Variants in CARHSP1 observed in about 807,000 individuals in gnomAD.
CARHSP1 encodes the protein calcium-regulated heat-stable protein 1.
Under a neutral mutation model 12.5 loss-of-function variants are expected in CARHSP1, and 14 were observed. The ratio of observed to expected loss-of-function variants is 1.12; its 90% CI spans 0.74 to 1.75. CARHSP1 has a LOEUF of 1.75. CARHSP1 is among the 40% of genes most tolerant of loss of function. The pLI, the probability that CARHSP1 is intolerant of heterozygous loss-of-function variation, is 0.00. For synonymous variants in CARHSP1, 161 were observed against 82.0 expected (o/e 1.96, Z -5.20); for missense variants, 343 against 201.6 (o/e 1.70, Z -4.25).
rs1354597068 is a variant in CARHSP1 at position 8,853,098 on chromosome 16, G to T, written c.*2066C>A. 1 of 152,004 alleles carries T rather than the reference G, an allele frequency of 6.6e-6. No homozygotes were observed. Among genetic ancestry groups the T allele is most frequent in the African/African-American group, 2.4e-5 (1 of 41,386 alleles). 9.4% of individuals were successfully genotyped at this position (152,004 alleles called of 1,614,324 possible). A position where few individuals can be genotyped will look rare whatever the true frequency, so the allele number is the denominator to read the frequency against. ...GTTTCCCCTTGTGTAAACCGGTATC[G>T]CGTCCCTTCCAGCTCTGACATCCTG... On this transcript the variant is annotated 3_prime_UTR_variant, in exon 4 of 4. Transcript: ENST00000311052.
intron 1 of CARHSP1, among the ~76,000 whole-genome samples, chr16:8,863,249 G>A (rs1169088799): frequency 2.0e-5 from 3 of 151,382 alleles, no homozygotes; most frequent in Non-Finnish European, 4.4e-5. Context: ...AGCCTCCTGG[G>A]TTGTGGGACT....
At chr16:8,858,258 A>C in intron 3 of CARHSP1, 92 bp downstream of exon 3, 2 of 1,446,768 alleles carry the variant, frequency 1.4e-6, no homozygotes, top group South Asian at 2.6e-5. Context: ...CCTCACACCC[A>C]GCGCCCATCA....
chr16:8,868,260 A>C (rs887555016), intron 1 of CARHSP1: 1 of 152,206 alleles, frequency 6.6e-6, no homozygotes, highest in Non-Finnish European at 1.5e-5. Context: ...CAACCCCAGA[A>C]AACCATAGGG....
rs770141066 is a variant in CARHSP1, at chr16:8,859,256, G to T, written c.73C>A (p.Arg25=). 18 of 1,602,084 alleles carry T rather than the reference G, an allele frequency of 1.1e-5. No individual in the cohort carries two copies. In the Admixed American group the frequency reaches 2.1e-4, roughly 18 times the overall value. Residue 25 remains arginine, a synonymous_variant, in exon 2 of 4, where the codon CGG becomes AGG. Coordinates refer to ENST00000311052, the MANE Select transcript of CARHSP1 (RefSeq NM_014316.4). ...QASVGLLDTP[R]SRERSPSPLR... The stretch of plus-strand genomic sequence containing the variant: ...GGGGATGGTGAGCGCTCACGGCTCC[G>T]AGGGGTGTCCAGCAGCCCGACTGAA...
At chr16:8,856,136 T>C (rs1360428805) in intron 3 of CARHSP1, among the ~76,000 whole-genome samples, 1 of 152,118 alleles carries the variant, frequency 6.6e-6, no homozygotes, top group East Asian at 1.9e-4. Flanking sequence ...GAAGGTCCCT[T>C]TGGTGCATGA....
At chr16:8,865,905 A>C (rs1054778355) in intron 1 of CARHSP1, among the ~76,000 whole-genome samples, 5 of 152,138 alleles carry the variant, frequency 3.3e-5, no homozygotes, top group Non-Finnish European at 7.4e-5. Context: ...TCTTGTTCAA[A>C]TGCAGATTGC....
intron 3 of CARHSP1, among the ~76,000 whole-genome samples, chr16:8,856,422 C>CA (rs2061110531): frequency 6.6e-6 from 1 of 152,216 alleles, no homozygotes; most frequent in Non-Finnish European, 1.5e-5. Context: ...AGCCTACTTC[C>CA]AGCAGCAGAA....
chr16:8,861,962 C>T (rs1412953689), intron 1 of CARHSP1, among the ~76,000 whole-genome samples: 1 of 143,612 alleles, frequency 7.0e-6, no homozygotes, highest in Non-Finnish European at 1.5e-5. Flanking sequence ...TCCCTCCCTC[C>T]TTTCTCCTGG....
At chr16:8,865,461 G>A (rs939551819) in intron 1 of CARHSP1, among the ~76,000 whole-genome samples, 2 of 152,208 alleles carry the variant, frequency 1.3e-5, no homozygotes, top group Non-Finnish European at 2.9e-5. Context: ...CAGGATGATA[G>A]AAGGCAGGGG....
chr16:8,861,199 T>A (rs868551042), intron 1 of CARHSP1, among the ~76,000 whole-genome samples: 3,530 of 60,522 alleles, frequency 0.058, 92 homozygotes, highest in Middle Eastern at 0.14. Context: ...TTTTTTTTTT[T>A]ATAGAGACAG....
Position 8,866,230 on chromosome 16 carries a change from A to C in CARHSP1, c.-8+2736T>G, listed in dbSNP as rs75622363. On this transcript the variant is annotated intron_variant, in intron 1 of 3. Coordinates refer to ENST00000311052, the MANE Select transcript of CARHSP1 (RefSeq NM_014316.4). ...CGGCCTCCCAAAGTGCTGGGATTAC[A>C]GGCTCCAGATTCCTGGCCAAGATTC... is the stretch of plus-strand genomic sequence containing the variant. 6.5e-3 allele frequency among the ~76,000 whole-genome samples: 991 copies of C among 152,304 alleles called. 7 individuals carry two copies. Among genetic ancestry groups the C allele is most frequent in the African/African-American group, 0.022 (933 of 41,560 alleles).
chr16:8,855,075 C>G lies in CARHSP1; in HGVS notation c.*89G>C. The stretch of plus-strand genomic sequence containing the variant: ...ACCATGCCCGGCTGAAGCCCCGTCT[C>G]GTGTGGAAGAATGTCATCTCCAGTG... On this transcript the variant is annotated 3_prime_UTR_variant, in exon 4 of 4. Transcript: ENST00000311052. 1 of 1,213,764 alleles carries G rather than the reference C, an allele frequency of 8.2e-7. No homozygotes were observed. The highest frequency in any genetic ancestry group is 1.1e-6 in the Non-Finnish European group (1 of 900,670). 75.2% of individuals were successfully genotyped at this position (1,213,764 alleles called of 1,614,324 possible).
Position 8,855,017 on chromosome 16 carries a change from C to CCA in CARHSP1, c.*146_*147insTG. Reference sequence around the variant, plus strand: ...CACCCCACACCCCACACCTGCCCCCCATACCCCTTCCTCCAGGAGATACTT... The same window carrying CCA: ...CACCCCACACCCCACACCTGCCCCCCCAATACCCCTTCCTCCAGGAGATACTT... On this transcript the variant is annotated 3_prime_UTR_variant, in exon 4 of 4. Transcript: ENST00000311052. 7 of 605,916 alleles carry CCA rather than the reference C, an allele frequency of 1.2e-5. No individual in the cohort carries two copies. The highest frequency in any genetic ancestry group is 3.6e-5 in the Admixed American group (1 of 28,128). 37.5% of individuals were successfully genotyped at this position (605,916 alleles called of 1,614,324 possible).
rs771492723 is a variant in CARHSP1, at chr16:8,859,197, G to C, written c.132C>G (p.Pro44=). The C allele has an allele frequency of 3.1e-6, 5 of 1,603,290 alleles. No homozygotes were observed. Among genetic ancestry groups the C allele is most frequent in the Non-Finnish European group, 4.3e-6 (5 of 1,175,486 alleles). ...LRGNVVPSPL[P]TRRTRTFSAT... ...CCGAGAAGGTCCTCGTCCGGCGAGT[G>C]GGCAGTGGGCTTGGGACCACGTTGC... Residue 44 remains proline, a synonymous_variant, in exon 2 of 4, where the codon CCC becomes CCG. Transcript: ENST00000311052.
chr16:8,858,201 G>C (rs2061212404), intron 3 of CARHSP1, 149 bp downstream of exon 3: 2 of 931,372 alleles, frequency 2.1e-6, no homozygotes, highest in East Asian at 2.6e-5. Flanking sequence ...CAGGAGCACA[G>C]CTGGAGCACC....
Position 8,854,636 on chromosome 16 carries a change from C to T in CARHSP1, c.*528G>A, listed in dbSNP as rs1294683167. Reference sequence around the variant, plus strand: ...TCCCCACCCACTTCAAGCCAGCTCCCCTAGAACCAACCAAGCCAAGAATTA... The same window carrying T: ...TCCCCACCCACTTCAAGCCAGCTCCTCTAGAACCAACCAAGCCAAGAATTA... On this transcript the variant is annotated 3_prime_UTR_variant, in exon 4 of 4. Coordinates refer to ENST00000311052, the MANE Select transcript of CARHSP1 (RefSeq NM_014316.4). 2 of 152,872 alleles carry T rather than the reference C, an allele frequency of 1.3e-5. No homozygotes were observed. Among genetic ancestry groups the T allele is most frequent in the African/African-American group, 4.8e-5 (2 of 41,472 alleles). 9.5% of individuals were successfully genotyped at this position (152,872 alleles called of 1,614,324 possible). A position where few individuals can be genotyped will look rare whatever the true frequency, so the allele number is the denominator to read the frequency against.
Position 8,855,143 on chromosome 16 carries a change from AAG to A in CARHSP1, c.*19_*20del. 1 of 1,560,140 alleles carries A rather than the reference AAG, an allele frequency of 6.4e-7. No homozygotes were observed. Among genetic ancestry groups the A allele is most frequent in the South Asian group, 1.2e-5 (1 of 84,534 alleles). On this transcript the variant is annotated 3_prime_UTR_variant, in exon 4 of 4. Coordinates refer to ENST00000311052, the MANE Select transcript of CARHSP1 (RefSeq NM_014316.4). ...GCAAAGTCTCCCACAAGCACAGGAC[AAG>A]GGGTGCTTCCACCATCTCCTAGGAG...
intron 2 of CARHSP1, chr16:8,858,702 T>A: frequency 1.9e-6 from 1 of 539,658 alleles, no homozygotes; most frequent in South Asian, 2.6e-5. Context: ...CTGTTTTCCC[T>A]CCTGGAAAGA....
chr16:8,860,477 C>A (rs779098126), intron 1 of CARHSP1: 2 of 985,286 alleles, frequency 2.0e-6, no homozygotes, highest in African/African-American at 1.7e-5. Flanking sequence ...TCGGCTCTAA[C>A]GTGGCCTCAG....
Sources: gnomAD v4.1 joint callset for allele counts (sites outside exome capture counted in the v4.1 genomes callset) on GRCh38, gnomAD v4.1.1 for gene constraint, MANE v1.5 for transcripts, NCBI Gene and HGNC (gene_info 2026-07-23, HGNC 2026-07-21) for gene names.